CACNA2D3: variants seen among roughly 807,000 people sequenced by gnomAD.
CACNA2D3 encodes the protein calcium voltage-gated channel auxiliary subunit alpha2delta 3.
Under a neutral mutation model 160.6 loss-of-function variants are expected in CACNA2D3, and 60 were observed. The observed-to-expected ratio is 0.37, with a 90% confidence interval of 0.30 to 0.46. The LOEUF is 0.46. CACNA2D3 is among the 20% of genes least tolerant of loss of function. CACNA2D3 has a pLI of 1.00. For missense variants in CACNA2D3, 1,205 were observed against 1,365.0 expected (o/e 0.88, Z 1.85); for synonymous variants, 558 against 492.9 (o/e 1.13, Z -1.75).
intron 11 of CACNA2D3, among the ~76,000 whole-genome samples, chr3:54,713,785 G>C (rs1700998666): frequency 6.6e-6 from 1 of 152,144 alleles, no homozygotes; most frequent in Non-Finnish European, 1.5e-5. Context: ...GCCTGGCTGG[G>C]GCTAAGGAGT....
intron 2 of CACNA2D3, among the ~76,000 whole-genome samples, chr3:54,248,186 G>T (rs1372030763): frequency 6.6e-6 from 1 of 152,086 alleles, no homozygotes; most frequent in Non-Finnish European, 1.5e-5. Context: ...AAAGGGTGGA[G>T]CCTGGCTGGG....
At chr3:54,827,246 C>T (rs1171722594) in intron 14 of CACNA2D3, among the ~76,000 whole-genome samples, 6 of 152,080 alleles carry the variant, frequency 3.9e-5, no homozygotes, top group African/African-American at 1.4e-4. Context: ...GTGAAATGTG[C>T]GTAGGCACTT....
At chr3:54,625,361 T>G (rs1256258756) in intron 9 of CACNA2D3, among the ~76,000 whole-genome samples, 1 of 152,234 alleles carries the variant, frequency 6.6e-6, no homozygotes, top group East Asian at 1.9e-4. Flanking sequence ...TTAGAGTAGG[T>G]GTAGCTGACC....
intron 13 of CACNA2D3, among the ~76,000 whole-genome samples, chr3:54,785,643 C>T (rs547352734): frequency 1.1e-3 from 167 of 152,196 alleles, no homozygotes; most frequent in Non-Finnish European, 2.2e-3. Flanking sequence ...AGCCAACAAG[C>T]CTGAATGCAA....
chr3:54,608,235 T>C (rs756503116), intron 9 of CACNA2D3, among the ~76,000 whole-genome samples: 1 of 152,214 alleles, frequency 6.6e-6, no homozygotes, highest in Non-Finnish European at 1.5e-5. Context: ...GTTTGAATAT[T>C]ATACTACAAT....
intron 6 of CACNA2D3, among the ~76,000 whole-genome samples, chr3:54,564,206 C>T (rs1369543107): frequency 6.6e-6 from 1 of 152,178 alleles, no homozygotes; most frequent in Admixed American, 6.5e-5. Flanking sequence ...TAAGTAGAAA[C>T]CGCAGATCAC....
At chr3:55,044,909 T>G (rs1050865093) in intron 35 of CACNA2D3, among the ~76,000 whole-genome samples, 8 of 152,224 alleles carry the variant, frequency 5.3e-5, no homozygotes, top group Non-Finnish European at 1.2e-4. Flanking sequence ...AGATAATTTT[T>G]GAATCTTGAA....
intron 4 of CACNA2D3, among the ~76,000 whole-genome samples, chr3:54,496,722 A>G (rs1701209043): frequency 6.6e-6 from 1 of 152,200 alleles, no homozygotes; most frequent in Admixed American, 6.5e-5. Flanking sequence ...CCTGGAGGCC[A>G]TAAAGTATCC....
intron 2 of CACNA2D3, among the ~76,000 whole-genome samples, chr3:54,220,962 G>T (rs1195675549): frequency 1.3e-5 from 2 of 152,164 alleles, no homozygotes; most frequent in Non-Finnish European, 2.9e-5. Flanking sequence ...ATTTGCCTAC[G>T]AGGCCTTGGG....
intron 17 of CACNA2D3, among the ~76,000 whole-genome samples, chr3:54,854,332 T>G (rs891669112): frequency 1.3e-5 from 2 of 152,208 alleles, no homozygotes; most frequent in African/African-American, 4.8e-5. Context: ...CCGTCCTCAC[T>G]GCCTGGTCTG....
intron 11 of CACNA2D3, among the ~76,000 whole-genome samples, chr3:54,736,154 C>T (rs1701526863): frequency 1.5e-5 from 2 of 130,168 alleles, no homozygotes; most frequent in Admixed American, 7.9e-5. Context: ...CACACACACA[C>T]ACACACACAC....
chr3:54,736,470 C>T (rs1701534612), intron 11 of CACNA2D3, among the ~76,000 whole-genome samples: 1 of 152,010 alleles, frequency 6.6e-6, no homozygotes, highest in South Asian at 2.1e-4. Flanking sequence ...AGGTTATGCA[C>T]ATTTAAAATA....
chr3:54,993,885 AGTGTGTGTGTGTGTGTGTGTGTGT>A (rs34012508), intron 31 of CACNA2D3, among the ~76,000 whole-genome samples: 6 of 111,508 alleles, frequency 5.4e-5, no homozygotes, highest in African/African-American at 2.0e-4. Context: ...TGCAACTGCT[AGTGTGTGTGTGTGTGTGTGTGTGT>A]GTGTGTGTGT....
intron 27 of CACNA2D3, 93 bp from the exon 28 acceptor site, chr3:54,968,357 G>A: frequency 3.7e-6 from 3 of 804,258 alleles, no homozygotes; most frequent in Admixed American, 4.1e-5. Context: ...GCTTATATCA[G>A]CTTCTTGCCA....
chr3:54,448,923 T>C (rs1575460539), intron 4 of CACNA2D3, among the ~76,000 whole-genome samples: 1 of 152,242 alleles, frequency 6.6e-6, no homozygotes, highest in Non-Finnish European at 1.5e-5. Flanking sequence ...TGTCTCTTCA[T>C]GTCTTGGATT....
intron 14 of CACNA2D3, among the ~76,000 whole-genome samples, chr3:54,835,212 A>G (rs566514661): frequency 6.6e-6 from 1 of 152,178 alleles, no homozygotes; most frequent in South Asian, 2.1e-4. Context: ...TTATAAAAGC[A>G]TGGCCCCCTC....
chr3:55,066,534 G>A (rs1704639754), intron 35 of CACNA2D3, among the ~76,000 whole-genome samples: 1 of 152,090 alleles, frequency 6.6e-6, no homozygotes. Flanking sequence ...GAGTATGAGG[G>A]AGGCATGGTG....
At chr3:54,898,312 T>G (rs1229897608) in intron 26 of CACNA2D3, among the ~76,000 whole-genome samples, 2 of 150,106 alleles carry the variant, frequency 1.3e-5, no homozygotes, top group African/African-American at 4.9e-5. Flanking sequence ...AACCTCTGCC[T>G]TCTGGGTTCA....
intron 2 of CACNA2D3, among the ~76,000 whole-genome samples, chr3:54,132,045 C>CAT (rs1699721648): frequency 6.6e-6 from 1 of 152,194 alleles, no homozygotes; most frequent in Non-Finnish European, 1.5e-5. Context: ...AGTCGCGAGT[C>CAT]ATAACATCCA....
Sources: allele counts gnomAD v4.1 joint callset (sites outside exome capture counted in the v4.1 genomes callset), GRCh38; gene constraint gnomAD v4.1.1; transcripts MANE v1.5; gene names NCBI Gene and HGNC (gene_info 2026-07-23, HGNC 2026-07-21).